The following OR8H1 variants were observed in gnomAD, a reference collection of about 807,000 sequenced individuals.
OR8H1 encodes olfactory receptor 8H1.
For synonymous variants in OR8H1, 135 were observed against 134.5 expected (o/e 1.00, Z -0.03); for missense variants, 388 against 374.1 (o/e 1.04, Z -0.31).
chr11:56,290,204 G>A lies in OR8H1; in HGVS notation c.859C>T (p.Leu287Phe). 4 of 1,612,154 alleles carry A rather than the reference G, an allele frequency of 2.5e-6. No individual in the cohort carries two copies. Among genetic ancestry groups the A allele is most frequent in the Non-Finnish European group, 3.4e-6 (4 of 1,179,418 alleles). ...TCTTTGTTTCTAAGACTATAAATGA[G>A]TGGATTCAGCATGGGAATCACAATA... ...YTIVIPMLNP[L>F]IYSLRNKEVK... is the part of the protein sequence containing the mutation. The change falls in exon 2 of 2, where the codon CTC (leucine) becomes TTC (phenylalanine). Residue 287 changes from leucine (L) to phenylalanine (F), a missense_variant. Physicochemically the swap from Leu to Phe is conservative, Grantham distance 22. Coordinates refer to ENST00000641600, the MANE Select transcript of OR8H1 (RefSeq NM_001005199.2).
rs993318862 is a variant in OR8H1, at chr11:56,292,193, A to T, written c.-265T>A. On this transcript the variant is annotated 5_prime_UTR_variant, in exon 1 of 2. Transcript: ENST00000641600. ...GTTTAGGTCCTGGTCAAATGGAAAG[A>T]TTACCAGGAAGTTGTGTGTCAAAAG... 1 of 152,216 alleles carries T rather than the reference A, an allele frequency of 6.6e-6. No homozygotes were observed. The highest frequency in any genetic ancestry group is 1.5e-5 in the Non-Finnish European group (1 of 68,044). 9.4% of individuals were successfully genotyped at this position (152,216 alleles called of 1,614,324 possible).
In OR8H1 at chr11:56,291,722, G is replaced by A. The variant is rs1290765796; in HGVS notation, c.-23+229C>T. On this transcript the variant is annotated intron_variant, in intron 1 of 1. Coordinates refer to ENST00000641600, the MANE Select transcript of OR8H1 (RefSeq NM_001005199.2). ...AAGTATTAATTTATACAAATATGATGTTTTAGTAACTTAACCAATCAAAAT... is the reference window on the plus strand; with the variant it reads ...AAGTATTAATTTATACAAATATGATATTTTAGTAACTTAACCAATCAAAAT... Among the ~76,000 whole-genome samples, 5 of 151,982 alleles carry A rather than the reference G, an allele frequency of 3.3e-5. No homozygotes were observed. The East Asian group carries it at 9.6e-4, about 29-fold the overall frequency.
Position 56,290,259 on chromosome 11 carries a change from TC to T in OR8H1, c.803del (p.Gly268GlufsTer13), listed in dbSNP as rs780450791. ...AAAAAACAGAAGCCACTTGATCCCTTCCCAAAGAATAAGACTTTCTTGGTTT... is the reference window on the plus strand; with the variant it reads ...AAAAAACAGAAGCCACTTGATCCCTTCCAAAGAATAAGACTTTCTTGGTTT... Reference protein sequence around the residue: ...YLKPRKSYSLGRDQVASVFYT... With the variant: ...YLKPRKSYSLXRDQVASVFYT... On this transcript the variant is annotated frameshift_variant, in exon 2 of 2. Coordinates refer to ENST00000641600, the MANE Select transcript of OR8H1 (RefSeq NM_001005199.2). LOFTEE classifies it low-confidence loss of function (END_TRUNC). 3 of 1,613,214 alleles carry T rather than the reference TC, an allele frequency of 1.9e-6. No individual in the cohort carries two copies. The Admixed American group carries it at 5.0e-5, about 27-fold the overall frequency.
In OR8H1 at chr11:56,290,610, G is replaced by T; in HGVS notation, c.453C>A (p.Ser151Arg). ...CALVTGPYVI[S>R]FINSFVNVVW... ...CCACATTGACAAAGGAGTTGATAAA[G>T]CTAATCACATAGGGCCCAGTGACAA... Residue 151 changes from serine to arginine, a missense_variant, in exon 2 of 2, where the codon AGC (serine) becomes AGA (arginine). Ser to Arg is a moderately radical substitution (Grantham distance 110). Coordinates refer to ENST00000641600, the MANE Select transcript of OR8H1 (RefSeq NM_001005199.2). The T allele has an allele frequency of 1.9e-6, 3 of 1,614,184 alleles. No homozygotes were observed. Among genetic ancestry groups the T allele is most frequent in the Non-Finnish European group, 2.5e-6 (3 of 1,180,026 alleles).
At position 56,290,575 on chromosome 11, in the gene OR8H1, C is replaced by G; in HGVS notation, c.488G>C (p.Ser163Thr). 6 of 1,614,154 alleles carry G rather than the reference C, an allele frequency of 3.7e-6. No homozygotes were observed. Among genetic ancestry groups the G allele is most frequent in the Non-Finnish European group, 5.1e-6 (6 of 1,180,008 alleles). The change falls in exon 2 of 2, where the codon AGC (serine) becomes ACC (threonine). Residue 163 changes from serine (S) to threonine (T), a missense_variant. Transcript: ENST00000641600. ...INSFVNVVWM[S>T]RLHFCDSNVV... Reference sequence around the variant, plus strand: ...ATTTGAGTCGCAGAAATGCAGTCTGCTCATCCAAACCACATTGACAAAGGA... The same window carrying G: ...ATTTGAGTCGCAGAAATGCAGTCTGGTCATCCAAACCACATTGACAAAGGA...
chr11:56,290,839 G>A lies in OR8H1; in HGVS notation c.224C>T (p.Thr75Ile), dbSNP rs760156494. 9 of 1,614,024 alleles carry A rather than the reference G, an allele frequency of 5.6e-6. No homozygotes were observed. Among genetic ancestry groups the A allele is most frequent in the Non-Finnish European group, 7.6e-6 (9 of 1,180,004 alleles). The change falls in exon 2 of 2, where the codon ACT (threonine) becomes ATT (isoleucine). Residue 75 changes from threonine to isoleucine, a missense_variant. Thr to Ile is a moderately conservative substitution (Grantham distance 89, BLOSUM62 -1). Transcript: ENST00000641600. ...HLSFIDLSYS[T>I]VITPKTLANL... ...CGCTAAGGTTTTAGGTGTGATGACA[G>A]TTGAGTAACTGAGGTCAATAAATGA... is the stretch of plus-strand genomic sequence containing the variant.
In OR8H1 at chr11:56,292,056, G is replaced by A. The variant is rs1418450777; in HGVS notation, c.-128C>T. 6.6e-6 allele frequency: 1 copy of A among 152,046 alleles called. No individual in the cohort carries two copies. Among genetic ancestry groups the A allele is most frequent in the Non-Finnish European group, 1.5e-5 (1 of 68,006 alleles). The allele number at this position is 152,046 out of a possible 1,614,324, so 9.4% of individuals were successfully genotyped here. A position where few individuals can be genotyped will look rare whatever the true frequency, so the allele number is the denominator to read the frequency against. On this transcript the variant is annotated 5_prime_UTR_variant, in exon 1 of 2. Transcript: ENST00000641600. Reference sequence around the variant, plus strand: ...AAATAAAATATGAAAACCATTTAAGGAGATAAAATTTTCTCCGATATAATA... The same window carrying A: ...AAATAAAATATGAAAACCATTTAAGAAGATAAAATTTTCTCCGATATAATA...
intron 1 of OR8H1, among the ~76,000 whole-genome samples, chr11:56,291,739 A>G (rs901393600): frequency 6.6e-6 from 1 of 152,150 alleles, no homozygotes; most frequent in Non-Finnish European, 1.5e-5. Context: ...TAACTTAACC[A>G]ATCAAAATCA....
At chr11:56,291,661 T>C (rs1407757678) in intron 1 of OR8H1, among the ~76,000 whole-genome samples, 1 of 152,168 alleles carries the variant, frequency 6.6e-6, no homozygotes, top group Non-Finnish European at 1.5e-5. Flanking sequence ...CACTTAAGGA[T>C]TTTAGCAGGA....
rs780364019 is a variant in OR8H1, at chr11:56,289,637, T to C, written c.*490A>G. The C allele has an allele frequency of 5.5e-5, 9 of 163,376 alleles. No individual in the cohort carries two copies. The allele number at this position is 163,376 out of a possible 1,614,324, so 10.1% of individuals were successfully genotyped here. On this transcript the variant is annotated 3_prime_UTR_variant, in exon 2 of 2. Coordinates refer to ENST00000641600, the MANE Select transcript of OR8H1 (RefSeq NM_001005199.2). Reference sequence around the variant, plus strand: ...TTGTTTTGTTTTGTTCTGTTTTGTTTTGAGACGGAGTTTCGCTCTTGTTGC... The same window carrying C: ...TTGTTTTGTTTTGTTCTGTTTTGTTCTGAGACGGAGTTTCGCTCTTGTTGC...
intron 1 of OR8H1, among the ~76,000 whole-genome samples, chr11:56,291,695 A>AT (rs143788961): frequency 0.016 from 2,424 of 152,258 alleles, 22 homozygotes; most frequent in Middle Eastern, 0.031. Flanking sequence ...TAGACCATAT[A>AT]TAAGTATTAA....
rs1180890985 is a variant in OR8H1 at position 56,290,586 on chromosome 11, C to G, written c.477G>C (p.Val159=). The part of the protein sequence containing the change: ...VISFINSFVN[V]VWMSRLHFCD... The stretch of plus-strand genomic sequence containing the variant: ...AGAAATGCAGTCTGCTCATCCAAAC[C>G]ACATTGACAAAGGAGTTGATAAAGC... Residue 159 remains valine (V), a synonymous_variant, in exon 2 of 2, where the codon GTG becomes GTC. Coordinates refer to ENST00000641600, the MANE Select transcript of OR8H1 (RefSeq NM_001005199.2). The G allele has an allele frequency of 1.2e-6, 2 of 1,614,118 alleles. No individual in the cohort carries two copies. The highest frequency in any genetic ancestry group is 1.7e-6 in the Non-Finnish European group (2 of 1,180,010).
Position 56,292,198 on chromosome 11 carries a change from C to CAGGA in OR8H1, c.-274_-271dup, listed in dbSNP as rs2134838597. 6.6e-6 allele frequency: 1 copy of CAGGA among 152,204 alleles called. No homozygotes were observed. Among genetic ancestry groups the CAGGA allele is most frequent in the South Asian group, 2.1e-4 (1 of 4,818 alleles). The allele number at this position is 152,204 out of a possible 1,614,324, so 9.4% of individuals were successfully genotyped here. On this transcript the variant is annotated 5_prime_UTR_variant, in exon 1 of 2. Transcript: ENST00000641600. ...GGTCCTGGTCAAATGGAAAGATTAC[C>CAGGA]AGGAAGTTGTGTGTCAAAAGAACAC... is the stretch of plus-strand genomic sequence containing the variant.
chr11:56,291,188 A>AG, intron 1 of OR8H1, 104 bp from the exon 2 acceptor site: 1 of 680,388 alleles, frequency 1.5e-6, no homozygotes, highest in Non-Finnish European at 2.4e-6. Context: ...AATTGCTAAT[A>AG]CATTTATAGA....
chr11:56,291,084 G>A lies in OR8H1; in HGVS notation c.-22C>T, dbSNP rs776171423. On this transcript the variant is annotated splice_region_variant and 5_prime_UTR_variant, in exon 2 of 2. Coordinates refer to ENST00000641600, the MANE Select transcript of OR8H1 (RefSeq NM_001005199.2). ...CCATGATGTTCAATTGCTTTAAACT[G>A]CTGAGAAATCAAAGTTGATACTTAA... 1 of 1,507,316 alleles carries A rather than the reference G, an allele frequency of 6.6e-7. No individual in the cohort carries two copies. 93.4% of individuals were successfully genotyped at this position (1,507,316 alleles called of 1,614,324 possible).
At chr11:56,291,226 C>A in intron 1 of OR8H1, 142 bp from the exon 2 acceptor site, 1 of 562,210 alleles carries the variant, frequency 1.8e-6, no homozygotes, top group Non-Finnish European at 3.1e-6. Context: ...AATTATATTG[C>A]CAATGTAGAT....
At position 56,290,626 on chromosome 11, in the gene OR8H1, C is replaced by T. The variant is rs1353862797; in HGVS notation, c.437G>A (p.Gly146Glu). Residue 146 changes from glycine to glutamate, a missense_variant, in exon 2 of 2, where the codon GGG becomes GAG. Gly to Glu is a moderately conservative substitution (Grantham distance 98). Coordinates refer to ENST00000641600, the MANE Select transcript of OR8H1 (RefSeq NM_001005199.2). ...GTTGATAAAGCTAATCACATAGGGC[C>T]CAGTGACAAGAGCGCAACACAGCCT... ...SKRLCCALVT[G>E]PYVISFINSF... is the part of the protein sequence containing the mutation. 1 of 1,614,108 alleles carries T rather than the reference C, an allele frequency of 6.2e-7. No individual in the cohort carries two copies. Among genetic ancestry groups the T allele is most frequent in the Admixed American group, 1.7e-5 (1 of 59,996 alleles).
chr11:56,291,129 T>C lies in OR8H1; in HGVS notation c.-22-45A>G, dbSNP rs995011937. ...ACTTAACATGAATGACTTCAAAAGG[T>C]TTCTGATTATACAATAACCTAGCAT... On this transcript the variant is annotated intron_variant, in intron 1 of 1. Coordinates refer to ENST00000641600, the MANE Select transcript of OR8H1 (RefSeq NM_001005199.2). 1.1e-5 allele frequency: 12 copies of C among 1,107,490 alleles called. No individual in the cohort carries two copies. In the African/African-American group the frequency reaches 1.7e-4, roughly 16 times the overall value. 68.6% of individuals were successfully genotyped at this position (1,107,490 alleles called of 1,614,324 possible).
At position 56,290,277 on chromosome 11, in the gene OR8H1, T is replaced by C. The variant is rs768635436; in HGVS notation, c.786A>G (p.Arg262=). 8.1e-6 allele frequency: 13 copies of C among 1,613,062 alleles called. No individual in the cohort carries two copies. Among genetic ancestry groups the C allele is most frequent in the East Asian group, 6.7e-5 (3 of 44,882 alleles). ...GATCCCTTCCCAAAGAATAAGACTT[T>C]CTTGGTTTTAAATAAGTAAAAATCA... ...GTMIFTYLKP[R]KSYSLGRDQV... is the part of the protein sequence containing the mutation. Residue 262 remains arginine, a synonymous_variant, in exon 2 of 2, where the codon AGA becomes AGG. Coordinates refer to ENST00000641600, the MANE Select transcript of OR8H1 (RefSeq NM_001005199.2).
Sources: gnomAD v4.1 joint callset for allele counts (sites outside exome capture counted in the v4.1 genomes callset) on GRCh38, gnomAD v4.1.1 for gene constraint, MANE v1.5 for transcripts, NCBI Gene and HGNC (gene_info 2026-07-23, HGNC 2026-07-21) for gene names.